PIKFYVE: variants seen among roughly 807,000 people sequenced by gnomAD.
PIKFYVE encodes the protein 1-phosphatidylinositol 3-phosphate 5-kinase.
Under a neutral mutation model 257.9 loss-of-function variants are expected in PIKFYVE, and 122 were observed. The ratio of observed to expected loss-of-function variants is 0.47; its 90% CI spans 0.41 to 0.55. The LOEUF is 0.55. PIKFYVE is among the 20% of genes least tolerant of loss of function. The pLI is 0.00. For missense variants in PIKFYVE, 2,160 were observed against 2,536.6 expected, an observed-to-expected ratio of 0.85 and a Z score of 3.19; for synonymous variants, 892 against 868.9, an observed-to-expected ratio of 1.03 and a Z score of -0.47.
chr2:208,279,909 G>A (rs776687086), intron 5 of PIKFYVE, among the ~76,000 whole-genome samples: 6 of 152,100 alleles, frequency 3.9e-5, no homozygotes, highest in Admixed American at 1.3e-4. Flanking sequence ...ACAATCCTAA[G>A]CAAAAAGAAC....
chr2:208,326,527 A>G (rs988821015), intron 20 of PIKFYVE, 98 bp downstream of exon 20: 77 of 1,285,742 alleles, frequency 6.0e-5, no homozygotes, highest in Middle Eastern at 2.4e-4. Context: ...GACTGCATGC[A>G]GATTTGTGAA....
intron 35 of PIKFYVE, among the ~76,000 whole-genome samples, chr2:208,348,780 T>C (rs541688750): frequency 6.6e-6 from 1 of 152,294 alleles, no homozygotes; most frequent in African/African-American, 2.4e-5. Flanking sequence ...ATTGGCAAGT[T>C]GAGTAGTTGG....
At chr2:208,353,788 G>A (rs1236181158) in intron 39 of PIKFYVE, 110 bp from the exon 40 acceptor site, 4 of 1,269,858 alleles carry the variant, frequency 3.1e-6, no homozygotes, top group East Asian at 2.4e-5. Context: ...TTTGGAGTGT[G>A]TGTAATGGTA....
At chr2:208,324,110 C>T (rs1423416578) in intron 17 of PIKFYVE, 32 bp from the exon 18 acceptor site, 2 of 1,604,680 alleles carry the variant, frequency 1.2e-6, no homozygotes. Context: ...TGCATTTTAC[C>T]AGGTGTAATA....
rs1559150119 is a variant in PIKFYVE, at chr2:208,336,056, G to C, written c.4376G>C (p.Gly1459Ala). The change falls in exon 27 of 42, where the codon GGT (glycine) becomes GCT (alanine). Residue 1459 changes from glycine (G) to alanine (A), a missense_variant. Physicochemically the swap from Gly to Ala is moderately conservative, Grantham distance 60. Coordinates refer to ENST00000264380, the MANE Select transcript of PIKFYVE (RefSeq NM_015040.4). ...DIFAQKEMEE[G>A]EFKNWIEKMQ... ...TTCTGTTCCTTGTAGATGGAAGAAG[G>C]TGAGTTCAAGAACTGGATTGAGAAG... The C allele has an allele frequency of 6.2e-7, 1 of 1,614,058 alleles. No individual in the cohort carries two copies. Among genetic ancestry groups the C allele is most frequent in the Non-Finnish European group, 8.5e-7 (1 of 1,179,988 alleles).
At chr2:208,349,242 T>C (rs889824923) in intron 35 of PIKFYVE, among the ~76,000 whole-genome samples, 3 of 152,164 alleles carry the variant, frequency 2.0e-5, no homozygotes, top group Non-Finnish European at 2.9e-5. Flanking sequence ...GGCTGCTTGC[T>C]ATTGGGCTGT....
rs758742045 is a variant in PIKFYVE at position 208,325,462 on chromosome 2, T to C, written c.2651T>C (p.Met884Thr). The C allele has an allele frequency of 1.2e-6, 2 of 1,614,168 alleles. No individual in the cohort carries two copies. Among genetic ancestry groups the C allele is most frequent in the East Asian group, 2.2e-5 (1 of 44,880 alleles). Reference protein sequence around the residue: ...MDEFAMPPTLMQNPSFHSLIE... With the variant: ...MDEFAMPPTLTQNPSFHSLIE... The stretch of plus-strand genomic sequence containing the variant: ...GAATTTGCTATGCCTCCCACATTAA[T>C]GCAAAACCCTTCATTCCATTCCCTG... The change falls in exon 20 of 42, where the codon ATG (methionine) becomes ACG (threonine). Residue 884 changes from methionine to threonine, a missense_variant. Met to Thr is a moderately conservative substitution (Grantham distance 81). This residue lies in a region of PIKFYVE where 522 missense variants were observed against 514.6 expected (regional missense o/e 1.01). Transcript: ENST00000264380.
At chr2:208,293,180 C>T (rs1692533866) in intron 7 of PIKFYVE, among the ~76,000 whole-genome samples, 1 of 151,404 alleles carries the variant, frequency 6.6e-6, no homozygotes, top group Non-Finnish European at 1.5e-5. Flanking sequence ...ACAGGTAATG[C>T]AAATACCTTA....
rs6710221 is a variant in PIKFYVE, at chr2:208,356,473, C to T, written c.*1168C>T. 7,503 of 152,302 alleles carry T rather than the reference C, an allele frequency of 0.049. 394 individuals carry two copies. The highest frequency in any genetic ancestry group is 0.13 in the African/African-American group (5,280 of 41,524). The allele number at this position is 152,302 out of a possible 1,614,324, so 9.4% of individuals were successfully genotyped here. A position where few individuals can be genotyped will look rare whatever the true frequency, so the allele number is the denominator to read the frequency against. On this transcript the variant is annotated 3_prime_UTR_variant, in exon 42 of 42. Transcript: ENST00000264380. ...TTCAAGACCAGCCTGGCCAACATGA[C>T]GAAACCCCATCTCTACTAAAAAGAC... is the stretch of plus-strand genomic sequence containing the variant.
chr2:208,318,462 G>C (rs1695816837), intron 16 of PIKFYVE, among the ~76,000 whole-genome samples: 1 of 152,310 alleles, frequency 6.6e-6, no homozygotes, highest in South Asian at 2.1e-4. Context: ...TGTAGATGAA[G>C]CTGGAGGAAG....
At position 208,325,640 on chromosome 2, in the gene PIKFYVE, T is replaced by C. The variant is rs1284070810; in HGVS notation, c.2829T>C (p.Asn943=). Residue 943 remains asparagine, a synonymous_variant, in exon 20 of 42, where the codon AAT becomes AAC. Coordinates refer to ENST00000264380, the MANE Select transcript of PIKFYVE (RefSeq NM_015040.4). ...TGTTTGAGAAGGGTGAGCAGGAAAATAAAAATCTTCCGCAGGCTGTTGCCT... is the reference window on the plus strand; with the variant it reads ...TGTTTGAGAAGGGTGAGCAGGAAAACAAAAATCTTCCGCAGGCTGTTGCCT... The part of the protein sequence containing the change: ...RIVFEKGEQE[N]KNLPQAVASV... 6.2e-7 allele frequency: 1 copy of C among 1,613,996 alleles called. No individual in the cohort carries two copies.
intron 28 of PIKFYVE, 119 bp from the exon 29 acceptor site, chr2:208,338,389 A>G: frequency 2.7e-6 from 2 of 738,988 alleles, no homozygotes; most frequent in East Asian, 5.5e-5. Flanking sequence ...GTTTTTAGTA[A>G]TTTTTTAACG....
At chr2:208,317,697 A>G (rs1424734240) in intron 15 of PIKFYVE, among the ~76,000 whole-genome samples, 170 bp from the exon 16 acceptor site, 1 of 152,230 alleles carries the variant, frequency 6.6e-6, no homozygotes, top group Non-Finnish European at 1.5e-5. Context: ...AGAGTCATGC[A>G]GAGATGCCAT....
Position 208,326,172 on chromosome 2 carries a change from C to T in PIKFYVE, c.3361C>T (p.Gln1121Ter). The T allele has an allele frequency of 6.2e-7, 1 of 1,612,852 alleles. No individual in the cohort carries two copies. The highest frequency in any genetic ancestry group is 8.5e-7 in the Non-Finnish European group (1 of 1,179,472). ...ACTTCAGGGCATGAATGGAAGTATT[C>T]AGGCCAAGTCTATTCAAGTCTTACC... ...SGLQGMNGSI[Q>*]AKSIQVLPSH... Residue 1121 changes from glutamine (Q) to a stop codon, truncating the protein, a stop_gained, in exon 20 of 42, where the codon CAG becomes TAG. Transcript: ENST00000264380. LOFTEE classifies it high-confidence loss of function.
chr2:208,280,163 G>A (rs1312284830), intron 5 of PIKFYVE, among the ~76,000 whole-genome samples: 1 of 152,146 alleles, frequency 6.6e-6, no homozygotes, highest in Non-Finnish European at 1.5e-5. Context: ...AATATGGTCG[G>A]TATGTTAGCT....
Position 208,335,851 on chromosome 2 carries a change from T to A in PIKFYVE, c.4315T>A (p.Phe1439Ile), listed in dbSNP as rs775184013. Reference protein sequence around the residue: ...ERLASLKTDTFSKTREEKMED... With the variant: ...ERLASLKTDTISKTREEKMED... ...ACTTGCATCTTTGAAAACTGATACA[T>A]TTAGTAAAACAAGAGAGGAAAAAAT... is the stretch of plus-strand genomic sequence containing the variant. Residue 1439 changes from phenylalanine (F) to isoleucine (I), a missense_variant, in exon 26 of 42, where the codon TTT becomes ATT. By Grantham distance (21) the Phe-to-Ile change is conservative. Coordinates refer to ENST00000264380, the MANE Select transcript of PIKFYVE (RefSeq NM_015040.4). 6.2e-7 allele frequency: 1 copy of A among 1,613,128 alleles called. No homozygotes were observed. Among genetic ancestry groups the A allele is most frequent in the Non-Finnish European group, 8.5e-7 (1 of 1,179,396 alleles).
At chr2:208,348,221 C>T (rs550185088) in intron 35 of PIKFYVE, among the ~76,000 whole-genome samples, 198 bp downstream of exon 35, 2 of 152,256 alleles carry the variant, frequency 1.3e-5, no homozygotes, top group East Asian at 1.9e-4. Context: ...TCACTGCCAT[C>T]GTGTACTGTG....
intron 21 of PIKFYVE, 30 bp from the exon 22 acceptor site, chr2:208,329,812 T>TA: frequency 6.2e-7 from 1 of 1,608,390 alleles, no homozygotes; most frequent in Non-Finnish European, 8.5e-7. Flanking sequence ...TGGTAATTCT[T>TA]ATGTTTCTAA....
intron 1 of PIKFYVE, among the ~76,000 whole-genome samples, chr2:208,266,871 G>A (rs563310567): frequency 7.9e-5 from 12 of 152,324 alleles, no homozygotes; most frequent in African/African-American, 2.9e-4. Flanking sequence ...CTTTTTAAAT[G>A]CTTGCCTCTG....
Sources: allele counts gnomAD v4.1 joint callset (sites outside exome capture counted in the v4.1 genomes callset), GRCh38; gene constraint gnomAD v4.1.1; regional missense constraint gnomAD v4.1.1; transcripts MANE v1.5; gene names NCBI Gene and HGNC (gene_info 2026-07-23, HGNC 2026-07-21).